The following STK3 variants were observed in gnomAD, a reference collection of about 807,000 sequenced individuals.
STK3 encodes serine/threonine kinase 3.
A neutral mutation model predicts 58.0 loss-of-function variants in STK3; 41 were observed. That is an observed-to-expected ratio of 0.71 (90% confidence interval 0.55 to 0.92). STK3 has a LOEUF of 0.92. STK3 is among the 40% of genes least tolerant of loss of function. STK3 has a pLI of 0.00. For missense variants in STK3, 479 were observed against 602.7 expected, an observed-to-expected ratio of 0.79 and a Z score of 2.15; for synonymous variants, 170 against 191.0, an observed-to-expected ratio of 0.89 and a Z score of 0.91.
chr8:98,883,579 T>C (rs1400066736), downstream of STK3: 2 of 675,028 alleles, frequency 3.0e-6, no homozygotes, highest in African/African-American at 3.6e-5. Context: ...ACAATAAACA[T>C]CTAAAGGAAC....
intron 3 of STK3, among the ~76,000 whole-genome samples, chr8:98,407,461 C>A (rs1818004695): frequency 6.6e-6 from 1 of 152,214 alleles, no homozygotes; most frequent in Non-Finnish European, 1.5e-5. Context: ...AGGCCAAACG[C>A]CATGCGTAAG....
chr8:98,879,608 TC>T (rs1176274962), downstream of STK3: 5 of 152,208 alleles, frequency 3.3e-5, no homozygotes, highest in African/African-American at 1.2e-4. Flanking sequence ...AAAGAGCTAA[TC>T]CTCTATGTCA....
At chr8:98,364,725 G>A in the STK3 span, among the ~76,000 whole-genome samples, 9 of 152,178 alleles carry the variant, frequency 5.9e-5, no homozygotes, top group African/African-American at 2.2e-4. Flanking sequence ...GGGGATGCGG[G>A]GTGACTCCTG....
chr8:98,869,416 G>A (rs1230570845), intron 3 of STK3, among the ~76,000 whole-genome samples: 1 of 152,098 alleles, frequency 6.6e-6, no homozygotes, highest in Non-Finnish European at 1.5e-5. Context: ...GTGAGACCCT[G>A]TCTCAAAAAA....
chr8:98,761,847 T>C (rs1335188737), intron 3 of STK3, among the ~76,000 whole-genome samples: 1 of 152,072 alleles, frequency 6.6e-6, no homozygotes, highest in African/African-American at 2.4e-5. Context: ...TATTTATTTA[T>C]TTGCCTCAGA....
intron 3 of STK3, among the ~76,000 whole-genome samples, chr8:98,835,798 C>T (rs1263233550): frequency 6.6e-6 from 1 of 152,178 alleles, no homozygotes; most frequent in African/African-American, 2.4e-5. Context: ...CCTGGGGGGC[C>T]TCTTCCTTGG....
At chr8:98,557,686 AT>A (rs1811706835) in intron 8 of STK3, among the ~76,000 whole-genome samples, 1 of 151,968 alleles carries the variant, frequency 6.6e-6, no homozygotes, top group African/African-American at 2.4e-5. Flanking sequence ...TATAAAAAGA[AT>A]TAATTGTCTT....
At chr8:98,697,568 C>G (rs927755385) in intron 6 of STK3, among the ~76,000 whole-genome samples, 4 of 152,144 alleles carry the variant, frequency 2.6e-5, no homozygotes, top group African/African-American at 9.7e-5. Context: ...TCTTTGCTAT[C>G]ATTGGTTTCA....
chr8:98,602,876 TAAA>T (rs11299438), intron 6 of STK3, among the ~76,000 whole-genome samples: 6 of 136,370 alleles, frequency 4.4e-5, no homozygotes, highest in Admixed American at 7.2e-5. Flanking sequence ...TCCAAATAAC[TAAA>T]AAAAAAAAAA....
At chr8:98,697,761 G>A (rs1474053553) in intron 6 of STK3, among the ~76,000 whole-genome samples, 2 of 152,186 alleles carry the variant, frequency 1.3e-5, no homozygotes, top group Non-Finnish European at 2.9e-5. Context: ...ATTTGCTGAG[G>A]AGAGCTTTAC....
chr8:98,419,360 C>CA (rs973786693), intron 3 of STK3, among the ~76,000 whole-genome samples: 63 of 142,208 alleles, frequency 4.4e-4, no homozygotes, highest in Admixed American at 5.6e-4. Context: ...GACTCCATCT[C>CA]AAAAAAAAAA....
At chr8:98,785,194 C>T (rs1383286274) in intron 1 of STK3, among the ~76,000 whole-genome samples, 1 of 152,172 alleles carries the variant, frequency 6.6e-6, no homozygotes, top group Non-Finnish European at 1.5e-5. Context: ...GCTTCATGCC[C>T]AGGCATAACT....
intron 6 of STK3, among the ~76,000 whole-genome samples, chr8:98,650,653 G>A (rs898883221): frequency 6.6e-6 from 1 of 152,224 alleles, no homozygotes; most frequent in Non-Finnish European, 1.5e-5. Flanking sequence ...GTGCTTTTCC[G>A]ACGGGCTTAA....
At chr8:98,530,389 T>G (rs1214688796) in intron 9 of STK3, among the ~76,000 whole-genome samples, 3 of 152,176 alleles carry the variant, frequency 2.0e-5, no homozygotes, top group African/African-American at 7.2e-5. Context: ...TAGCTTCCAC[T>G]TGTAAGTGAG....
intron 1 of STK3, among the ~76,000 whole-genome samples, chr8:98,940,833 C>G (rs1031660892): frequency 6.6e-6 from 1 of 152,242 alleles, no homozygotes; most frequent in Non-Finnish European, 1.5e-5. Context: ...GTCTCAGAAA[C>G]CCACCAGGAG....
intron 2 of STK3, among the ~76,000 whole-genome samples, chr8:98,434,731 G>A (rs1183913078): frequency 6.6e-6 from 1 of 152,158 alleles, no homozygotes; most frequent in Non-Finnish European, 1.5e-5. Flanking sequence ...GGGAGAAGAA[G>A]GCTGGCATGC....
intron 1 of STK3, among the ~76,000 whole-genome samples, chr8:98,897,688 A>T (rs1034680533): frequency 6.6e-6 from 1 of 152,174 alleles, no homozygotes. Context: ...ATTGGCACTT[A>T]ATTATAAAAG....
chr8:98,520,958 C>A (rs562406540), intron 10 of STK3, among the ~76,000 whole-genome samples: 1 of 152,238 alleles, frequency 6.6e-6, no homozygotes, highest in Admixed American at 6.6e-5. Flanking sequence ...CCCTCTTACA[C>A]CCTTTTCCTT....
intron 2 of STK3, among the ~76,000 whole-genome samples, chr8:98,770,991 G>C (rs533989801): frequency 6.6e-6 from 1 of 152,146 alleles, no homozygotes; most frequent in African/African-American, 2.4e-5. Context: ...GTTTAATACA[G>C]TGGAACCTTT....
Sources: gnomAD v4.1 joint callset for allele counts (sites outside exome capture counted in the v4.1 genomes callset) on GRCh38, gnomAD v4.1.1 for gene constraint, MANE v1.5 for transcripts, NCBI Gene and HGNC (gene_info 2026-07-23, HGNC 2026-07-21) for gene names.